RNF150: variants seen among roughly 807,000 people sequenced by gnomAD.
RNF150 encodes the protein ring finger protein 150.
RNF150 carries 24 observed loss-of-function variants against 39.3 expected under a neutral mutation model. The ratio of observed to expected loss-of-function variants is 0.61; its 90% CI spans 0.44 to 0.86. The LOEUF is 0.86. Among genes scored for constraint, RNF150 ranks in the 40% least tolerant of loss-of-function variants. The probability of loss-of-function intolerance (pLI) is 0.00; values close to 1 mark genes in which losing one functional copy is unlikely to be tolerated. For missense variants in RNF150, 502 were observed against 587.8 expected, an observed-to-expected ratio of 0.85 and a Z score of 1.51; for synonymous variants, 255 against 227.3, an observed-to-expected ratio of 1.12 and a Z score of -1.10.
chr4:141,187,152 T>C (rs947163124), intron 1 of RNF150, among the ~76,000 whole-genome samples: 2 of 152,220 alleles, frequency 1.3e-5, no homozygotes, highest in Admixed American at 6.5e-5. Context: ...AGTTTCCATG[T>C]AGTTCTGTGG....
At chr4:140,990,670 TC>T (rs1457869309) in intron 1 of RNF150, among the ~76,000 whole-genome samples, 1 of 152,216 alleles carries the variant, frequency 6.6e-6, no homozygotes, top group Non-Finnish European at 1.5e-5. Context: ...ATGATCTCGT[TC>T]CTTTTTATGG....
chr4:140,957,549 G>A (rs1732814214), intron 2 of RNF150, among the ~76,000 whole-genome samples: 1 of 152,006 alleles, frequency 6.6e-6, no homozygotes, highest in African/African-American at 2.4e-5. Context: ...CCCATTACTG[G>A]GTATATACCC....
At chr4:141,162,157 C>T (rs1207442572) in intron 1 of RNF150, among the ~76,000 whole-genome samples, 1 of 152,218 alleles carries the variant, frequency 6.6e-6, no homozygotes, top group Admixed American at 6.5e-5. Flanking sequence ...AGGCTATACA[C>T]TGTAAAGCCA....
At chr4:141,063,207 C>T (rs146653830) in intron 1 of RNF150, among the ~76,000 whole-genome samples, 310 of 152,276 alleles carry the variant, frequency 2.0e-3, no homozygotes, top group Admixed American at 5.7e-3. Flanking sequence ...ATATGAAATG[C>T]GTTTAGCAAC....
At chr4:140,901,264 T>C (rs565672626) in intron 6 of RNF150, among the ~76,000 whole-genome samples, 1 of 151,906 alleles carries the variant, frequency 6.6e-6, no homozygotes, top group African/African-American at 2.4e-5. Context: ...CTCTGATGCT[T>C]TTAATTCCAT....
Position 141,040,436 on chromosome 4 carries a change from C to G in RNF150, c.485-72563G>C, listed in dbSNP as rs1230209945. Among the ~76,000 whole-genome samples, 3 of 152,178 alleles carry G rather than the reference C, an allele frequency of 2.0e-5. No homozygotes were observed. In the East Asian group the frequency reaches 5.8e-4, roughly 29 times the overall value. ...AACTGAAATCAAAATTATAACAATACTAATGGTAATGAATTCCTTGGAGAT... is the reference window on the plus strand; with the variant it reads ...AACTGAAATCAAAATTATAACAATAGTAATGGTAATGAATTCCTTGGAGAT... On this transcript the variant is annotated intron_variant, in intron 1 of 6. Transcript: ENST00000515673.
intron 1 of RNF150, among the ~76,000 whole-genome samples, chr4:141,154,257 T>C (rs1265987906): frequency 6.6e-6 from 1 of 152,132 alleles, no homozygotes; most frequent in East Asian, 1.9e-4. Flanking sequence ...CCTTGGCCAA[T>C]TTCCAACTTA....
chr4:141,046,119 A>AT (rs1736565596), intron 1 of RNF150, among the ~76,000 whole-genome samples: 1 of 152,182 alleles, frequency 6.6e-6, no homozygotes, highest in Non-Finnish European at 1.5e-5. Context: ...GGAATGTTTT[A>AT]TAATTATAGA....
intron 1 of RNF150, among the ~76,000 whole-genome samples, chr4:141,021,635 G>A (rs1304474655): frequency 2.0e-5 from 3 of 152,152 alleles, no homozygotes; most frequent in Non-Finnish European, 4.4e-5. Context: ...TGAATCAGGA[G>A]GACATCTGAC....
At chr4:141,183,704 G>A (rs547769857) in intron 1 of RNF150, among the ~76,000 whole-genome samples, 3 of 151,752 alleles carry the variant, frequency 2.0e-5, no homozygotes, top group Admixed American at 6.6e-5. Flanking sequence ...GCGCCTCCCT[G>A]TGTCCATGTG....
rs959294018 is a variant in RNF150 at position 140,863,667 on chromosome 4, C to G, written c.*4594G>C. ...ATGGGTATACAAAGTAAGATATAGG[C>G]AGTCAGAGAAAAACAGATACAGACA... On this transcript the variant is annotated 3_prime_UTR_variant, in exon 7 of 7. Coordinates refer to ENST00000515673, the MANE Select transcript of RNF150 (RefSeq NM_020724.2). 5 of 152,060 alleles carry G rather than the reference C, an allele frequency of 3.3e-5. No individual in the cohort carries two copies. Among genetic ancestry groups the G allele is most frequent in the African/African-American group, 1.2e-4 (5 of 41,392 alleles). 9.4% of individuals were successfully genotyped at this position (152,060 alleles called of 1,614,324 possible).
chr4:140,930,367 CT>C (rs1176652915), intron 4 of RNF150, among the ~76,000 whole-genome samples: 2 of 152,156 alleles, frequency 1.3e-5, no homozygotes, highest in African/African-American at 4.8e-5. Context: ...TATATATCTC[CT>C]GCTGGTTCTG....
chr4:140,946,529 A>C (rs1732319124), intron 4 of RNF150, among the ~76,000 whole-genome samples: 1 of 151,968 alleles, frequency 6.6e-6, no homozygotes, highest in Non-Finnish European at 1.5e-5. Flanking sequence ...CGGTGGTGTG[A>C]TCACTGGAGT....
chr4:141,012,630 T>C (rs1325240468), intron 1 of RNF150, among the ~76,000 whole-genome samples: 1 of 151,478 alleles, frequency 6.6e-6, no homozygotes, highest in African/African-American at 2.4e-5. Flanking sequence ...CTGGCCAACA[T>C]GGTGAAGCCG....
At chr4:140,970,380 T>C (rs1733416414) in intron 1 of RNF150, among the ~76,000 whole-genome samples, 2 of 152,280 alleles carry the variant, frequency 1.3e-5, no homozygotes, top group South Asian at 4.1e-4. Context: ...GGTTGACCTA[T>C]CTTTTGCTGA....
At chr4:141,088,201 A>C (rs1276768226) in intron 1 of RNF150, among the ~76,000 whole-genome samples, 1 of 152,246 alleles carries the variant, frequency 6.6e-6, no homozygotes, top group Non-Finnish European at 1.5e-5. Flanking sequence ...CCTACCACAT[A>C]GCAGGCATTT....
intron 1 of RNF150, among the ~76,000 whole-genome samples, chr4:141,056,756 C>A (rs1175764356): frequency 3.9e-5 from 6 of 152,002 alleles, no homozygotes; most frequent in African/African-American, 1.2e-4. Flanking sequence ...CCCTTCCCAT[C>A]TGGGAGCCCT....
At chr4:141,138,975 C>T (rs35424487) in intron 1 of RNF150, among the ~76,000 whole-genome samples, 2,118 of 152,160 alleles carry the variant, frequency 0.014, 26 homozygotes, top group Non-Finnish European at 0.019. Context: ...GAGGTGGAAG[C>T]GGGAGGATTG....
At chr4:141,124,074 T>C (rs1234699210) in intron 1 of RNF150, among the ~76,000 whole-genome samples, 1 of 152,250 alleles carries the variant, frequency 6.6e-6, no homozygotes, top group Non-Finnish European at 1.5e-5. Flanking sequence ...GGTCCATGAA[T>C]ACCCCGAAGG....
Sources: gnomAD v4.1 joint callset for allele counts (sites outside exome capture counted in the v4.1 genomes callset) on GRCh38, gnomAD v4.1.1 for gene constraint, MANE v1.5 for transcripts, NCBI Gene and HGNC (gene_info 2026-07-23, HGNC 2026-07-21) for gene names.